MLXIP: variants seen among roughly 807,000 people sequenced by gnomAD.
MLXIP encodes MLX-interacting protein.
Under a neutral mutation model 87.2 loss-of-function variants are expected in MLXIP, and 30 were observed. The ratio of observed to expected loss-of-function variants is 0.34; its 90% confidence interval spans 0.26 to 0.47. The LOEUF is 0.47. Among genes scored for constraint, MLXIP ranks in the 20% least tolerant of loss-of-function variants. The pLI is 1.00. For synonymous variants in MLXIP, 530 were observed against 514.0 expected (o/e 1.03, Z -0.42); for missense variants, 1,002 against 1,240.1 (o/e 0.81, Z 2.88).
At chr12:122,090,995 T>C (rs1952238143) in intron 1 of MLXIP, among the ~76,000 whole-genome samples, 1 of 152,124 alleles carries the variant, frequency 6.6e-6, no homozygotes, top group African/African-American at 2.4e-5. Flanking sequence ...TGGGTTGTTT[T>C]TTTTTTGAGG....
chr12:122,129,228 T>A lies in MLXIP; in HGVS notation c.696+2T>A. On this transcript the variant is annotated splice_donor_variant, in intron 4 of 16. Transcript: ENST00000319080. LOFTEE classifies it high-confidence loss of function. Reference sequence around the variant, plus strand: ...TGGAGAACCTACTTCAAGAAAAGGGTATCTGGCTGGAGTGTTCAGGCAGCC... The same window carrying A: ...TGGAGAACCTACTTCAAGAAAAGGGAATCTGGCTGGAGTGTTCAGGCAGCC... 1 of 1,605,110 alleles carries A rather than the reference T, an allele frequency of 6.2e-7. No individual in the cohort carries two copies. Among genetic ancestry groups the A allele is most frequent in the South Asian group, 1.1e-5 (1 of 89,280 alleles).
intron 1 of MLXIP, among the ~76,000 whole-genome samples, chr12:122,123,330 T>C (rs953732119): frequency 6.6e-6 from 1 of 151,964 alleles, no homozygotes; most frequent in Non-Finnish European, 1.5e-5. Flanking sequence ...CCGTGGCTGG[T>C]TTGTTTGGAT....
At chr12:122,132,985 C>T (rs1953007398) in intron 8 of MLXIP, 2 of 214,858 alleles carry the variant, frequency 9.3e-6, no homozygotes, top group Non-Finnish European at 1.8e-5. Context: ...TGAAATTGTC[C>T]TCGGGGATTC....
At position 122,143,900 on chromosome 12, in the gene MLXIP, G is replaced by A. The variant is rs1953254175; in HGVS notation, c.*2088G>A. 1 of 152,606 alleles carries A rather than the reference G, an allele frequency of 6.6e-6. No homozygotes were observed. The highest frequency in any genetic ancestry group is 1.5e-5 in the Non-Finnish European group (1 of 68,058). The allele number at this position is 152,606 out of a possible 1,614,324, so 9.5% of individuals were successfully genotyped here. On this transcript the variant is annotated 3_prime_UTR_variant, in exon 17 of 17. Transcript: ENST00000319080. ...TGTTAGGTTGTGTGAGCCTTGAAGT[G>A]TGTGTGTGTGTCCCAGCGACTGTCC...
Position 122,138,499 on chromosome 12 carries a change from G to A in MLXIP, c.2332G>A (p.Glu778Lys). The A allele has an allele frequency of 6.2e-7, 1 of 1,613,976 alleles. No homozygotes were observed. The highest frequency in any genetic ancestry group is 8.5e-7 in the Non-Finnish European group (1 of 1,179,888). The change falls in exon 14 of 17, where the codon GAG becomes AAG. Residue 778 changes from glutamate to lysine, a missense_variant. By Grantham distance (56) the Glu-to-Lys change is moderately conservative (BLOSUM62 1). This residue lies in a region of MLXIP where 746 missense variants were observed against 897.0 expected (regional missense o/e 0.83). Coordinates refer to ENST00000319080, the MANE Select transcript of MLXIP (RefSeq NM_014938.6). ...KLQQERGQMQ[E>K]EARRLREEIE... ...GCAGCAGGAGAGAGGCCAGATGCAGGAGGAGGCCCGGCGGCTGCGGGAGGA... is the reference window on the plus strand; with the variant it reads ...GCAGCAGGAGAGAGGCCAGATGCAGAAGGAGGCCCGGCGGCTGCGGGAGGA...
intron 1 of MLXIP, among the ~76,000 whole-genome samples, chr12:122,124,926 G>T (rs1052422344): frequency 2.0e-5 from 3 of 152,138 alleles, no homozygotes; most frequent in Non-Finnish European, 2.9e-5. Context: ...CAGCACTTTG[G>T]GAGGCCGAGG....
chr12:122,100,485 A>G (rs1221882995), intron 1 of MLXIP, among the ~76,000 whole-genome samples: 1 of 152,226 alleles, frequency 6.6e-6, no homozygotes, highest in Admixed American at 6.5e-5. Context: ...TCTTGAACAT[A>G]TTGAACATAA....
At chr12:122,079,547 A>T (rs1331580181) in intron 1 of MLXIP, among the ~76,000 whole-genome samples, 2 of 152,132 alleles carry the variant, frequency 1.3e-5, no homozygotes, top group African/African-American at 4.8e-5. Context: ...GACGAGGAAG[A>T]GGTATAAACA....
chr12:122,130,884 T>C lies in MLXIP; in HGVS notation c.951T>C (p.Ile317=). The change falls in exon 7 of 17, where the codon ATT becomes ATC. Residue 317 remains isoleucine (I), a synonymous_variant. Transcript: ENST00000319080. The part of the protein sequence containing the change: ...GNADMIQPGL[I]PLQPNLDFMD... ...CAGACATGATCCAGCCGGGACTGAT[T>C]CCTTTGCAGCCTAACCTGGACTTCA... 1.2e-6 allele frequency: 2 copies of C among 1,613,826 alleles called. No individual in the cohort carries two copies. The highest frequency in any genetic ancestry group is 1.7e-6 in the Non-Finnish European group (2 of 1,179,804).
At chr12:122,141,623 C>T (rs1373274157) in intron 16 of MLXIP, 68 bp from the exon 17 acceptor site, 2 of 1,581,884 alleles carry the variant, frequency 1.3e-6, no homozygotes, top group African/African-American at 2.7e-5. Context: ...GTTGTAGGTA[C>T]AAAGCCGAGT....
Position 122,133,974 on chromosome 12 carries a change from C to A in MLXIP, c.1719C>A (p.Ala573=). Residue 573 remains alanine (A), a synonymous_variant, in exon 9 of 17, where the codon GCC becomes GCA. Transcript: ENST00000319080. This position sits in a 1 kb window ranked among gnomAD's most constrained non-coding sequence, Gnocchi z 4.9. ...CCGTGTCCTTGGTGTTGAAGAATGC[C>A]CGTATCGCCCCAGGTGAGCCAGGCG... ...PEPVSLVLKN[A]RIAPAAFSGQ... is the part of the protein sequence containing the mutation. 2 of 1,599,192 alleles carry A rather than the reference C, an allele frequency of 1.3e-6. No individual in the cohort carries two copies. The highest frequency in any genetic ancestry group is 1.7e-6 in the Non-Finnish European group (2 of 1,172,008).
In MLXIP at chr12:122,140,353, G is replaced by C. The variant is rs186601173; in HGVS notation, c.2509-601G>C. Among the ~76,000 whole-genome samples, 153 of 152,272 alleles carry C rather than the reference G, an allele frequency of 1.0e-3. 1 individual carries two copies. The highest frequency in any genetic ancestry group is 6.9e-3 in the South Asian group (33 of 4,816). On this transcript the variant is annotated intron_variant, in intron 15 of 16. Coordinates refer to ENST00000319080, the MANE Select transcript of MLXIP (RefSeq NM_014938.6). Reference sequence around the variant, plus strand: ...GCTCTGTCACCCAGGCTGGAGTGCAGTGGTGCAATCTCGGCTCACTGCAGC... The same window carrying C: ...GCTCTGTCACCCAGGCTGGAGTGCACTGGTGCAATCTCGGCTCACTGCAGC...
chr12:122,136,950 A>G (rs2135989244), intron 11 of MLXIP: 1 of 152,348 alleles, frequency 6.6e-6, no homozygotes, highest in African/African-American at 2.4e-5. Context: ...AATCCAGCAG[A>G]GAGGAAAGGA....
chr12:122,094,563 T>TGTGTGTTGGTGTGTG (rs1258626805), intron 1 of MLXIP, among the ~76,000 whole-genome samples: 1 of 135,818 alleles, frequency 7.4e-6, no homozygotes, highest in Non-Finnish European at 1.6e-5. Flanking sequence ...GTGTTTGCAG[T>TGTGTGTTGGTGTGTG]GTGTGTTGGT....
At chr12:122,127,784 G>A in intron 2 of MLXIP, 99 bp from the exon 3 acceptor site, 1 of 873,856 alleles carries the variant, frequency 1.1e-6, no homozygotes, top group East Asian at 2.4e-5. Context: ...AAGGGTACCT[G>A]GGAATGTGGT....
intron 1 of MLXIP, among the ~76,000 whole-genome samples, chr12:122,082,935 C>G (rs1952112455): frequency 6.6e-6 from 1 of 152,232 alleles, no homozygotes; most frequent in African/African-American, 2.4e-5. Context: ...GTCCTCTTGT[C>G]TCAGCCTCTT....
intron 1 of MLXIP, among the ~76,000 whole-genome samples, chr12:122,108,219 T>G (rs539322430): frequency 5.9e-5 from 9 of 151,972 alleles, no homozygotes; most frequent in Non-Finnish European, 1.3e-4. Flanking sequence ...AATACAAAAA[T>G]TAGCCAGGTA....
intron 1 of MLXIP, among the ~76,000 whole-genome samples, chr12:122,109,109 T>C (rs1385662043): frequency 6.6e-6 from 1 of 152,214 alleles, no homozygotes; most frequent in Non-Finnish European, 1.5e-5. Flanking sequence ...ATTTTTGTAT[T>C]TTTAGTAGAG....
In MLXIP at chr12:122,146,147, GGCCA is replaced by G; in HGVS notation, c.*4341_*4344del. On this transcript the variant is annotated 3_prime_UTR_variant, in exon 17 of 17. Transcript: ENST00000319080. ...CCGGGCAGGCAGCGTGTGCAGCAGTGGCCAGCCAGAGTGCCAAAGATGCACGGGG... is the reference window on the plus strand; with the variant it reads ...CCGGGCAGGCAGCGTGTGCAGCAGTGGCCAGAGTGCCAAAGATGCACGGGG... 6.6e-6 allele frequency: 1 copy of G among 152,618 alleles called. No homozygotes were observed. The highest frequency in any genetic ancestry group is 1.9e-4 in the East Asian group (1 of 5,184). 9.5% of individuals were successfully genotyped at this position (152,618 alleles called of 1,614,324 possible). A position where few individuals can be genotyped will look rare whatever the true frequency, so the allele number is the denominator to read the frequency against.
Sources: gnomAD v4.1 joint callset for allele counts (sites outside exome capture counted in the v4.1 genomes callset) on GRCh38, gnomAD v4.1.1 for gene constraint, gnomAD v4.1.1 regional missense constraint, Gnocchi (gnomAD v3.1) non-coding constraint, MANE v1.5 for transcripts, NCBI Gene and HGNC (gene_info 2026-07-23, HGNC 2026-07-21) for gene names.